Variants in RNF145 observed in about 807,000 individuals in gnomAD.
RNF145 encodes ring finger protein 145.
A neutral mutation model predicts 57.3 loss-of-function variants in RNF145; 12 were observed. The ratio of observed to expected loss-of-function variants is 0.21; its 90% CI spans 0.13 to 0.34. RNF145 has a LOEUF of 0.34. Ranked by LOEUF, RNF145 falls within the 10% of genes least tolerant of loss-of-function variation. The probability of loss-of-function intolerance (pLI) is 1.00; values close to 1 mark genes in which losing one functional copy is unlikely to be tolerated. For synonymous variants in RNF145, 262 were observed against 288.3 expected (o/e 0.91, Z 0.92); for missense variants, 429 against 799.0 (o/e 0.54, Z 5.58).
rs1036813407 is a variant in RNF145 at position 159,203,742 on chromosome 5, C to G, written c.-39-86G>C. The G allele has an allele frequency of 8.8e-6, 7 of 796,974 alleles. No homozygotes were observed. In the African/African-American group the frequency reaches 1.2e-4, roughly 14 times the overall value. 49.4% of individuals were successfully genotyped at this position (796,974 alleles called of 1,614,324 possible). On this transcript the variant is annotated intron_variant, in intron 1 of 10. Transcript: ENST00000424310. ...CCCTTTCACGAATCTAATAGGTTGT[C>G]ACACACTGTACAAAACTATGTGAGA... is the stretch of plus-strand genomic sequence containing the variant.
intron 2 of RNF145, among the ~76,000 whole-genome samples, chr5:159,201,036 G>C (rs556362327): frequency 2.6e-5 from 4 of 152,256 alleles, no homozygotes; most frequent in Admixed American, 6.5e-5. Flanking sequence ...AAAACCCTAT[G>C]GAAAGTACTA....
chr5:159,168,542 G>C (rs185178586), intron 8 of RNF145, among the ~76,000 whole-genome samples: 5 of 151,996 alleles, frequency 3.3e-5, no homozygotes, highest in Admixed American at 3.3e-4. Flanking sequence ...TATTATGCTA[G>C]ACTAAATTTT....
chr5:159,201,021 AT>A, intron 2 of RNF145, among the ~76,000 whole-genome samples: 2 of 152,250 alleles, frequency 1.3e-5, no homozygotes, highest in Non-Finnish European at 2.9e-5. Flanking sequence ...GAGGTACAAA[AT>A]AGTAAAACCC....
chr5:159,194,975 T>TGACA, intron 2 of RNF145, 151 bp from the exon 3 acceptor site: 3 of 557,504 alleles, frequency 5.4e-6, no homozygotes, highest in Non-Finnish European at 9.6e-6. Context: ...TTTAGCATAG[T>TGACA]GACACCCCTA....
chr5:159,197,655 A>G (rs560738386), intron 2 of RNF145, among the ~76,000 whole-genome samples: 2 of 152,350 alleles, frequency 1.3e-5, no homozygotes, highest in South Asian at 4.1e-4. Context: ...CAAAAATACT[A>G]TTGACACAAA....
intron 1 of RNF145, chr5:159,207,744 T>C (rs1270914539): frequency 1.2e-6 from 2 of 1,614,168 alleles, no homozygotes; most frequent in Non-Finnish European, 1.7e-6. Flanking sequence ...GCTAGCTAAC[T>C]TTGTATGTAC....
At chr5:159,196,855 C>A (rs1051156318) in intron 2 of RNF145, among the ~76,000 whole-genome samples, 2 of 152,158 alleles carry the variant, frequency 1.3e-5, no homozygotes, top group Admixed American at 6.5e-5. Context: ...TCTCTTTTAA[C>A]GAAACTGTCA....
chr5:159,168,749 C>G, intron 8 of RNF145, 124 bp downstream of exon 8: 1 of 513,254 alleles, frequency 1.9e-6, no homozygotes, highest in Non-Finnish European at 3.2e-6. Context: ...TTGAATTAAC[C>G]TAAGCTAATA....
At chr5:159,194,433 T>C (rs1785386770) in intron 3 of RNF145, among the ~76,000 whole-genome samples, 1 of 152,204 alleles carries the variant, frequency 6.6e-6, no homozygotes. Context: ...CCCAAAGCGC[T>C]GGGATTACAG....
chr5:159,204,069 C>G (rs559348651), intron 1 of RNF145, among the ~76,000 whole-genome samples: 1 of 152,244 alleles, frequency 6.6e-6, no homozygotes, highest in South Asian at 2.1e-4. Flanking sequence ...AAAGCCTAAG[C>G]AATTCAATAA....
At chr5:159,198,038 G>A (rs138274581) in intron 2 of RNF145, among the ~76,000 whole-genome samples, 28 of 152,058 alleles carry the variant, frequency 1.8e-4, no homozygotes, top group South Asian at 6.2e-4. Context: ...TTAGGAGTTC[G>A]AGACCAGCCT....
chr5:159,163,532 C>T (rs1413446865), intron 8 of RNF145, among the ~76,000 whole-genome samples: 2 of 152,168 alleles, frequency 1.3e-5, no homozygotes, highest in Non-Finnish European at 2.9e-5. Flanking sequence ...ATAGGAATGA[C>T]TCTCCAATGA....
intron 7 of RNF145, 68 bp from the exon 8 acceptor site, chr5:159,169,123 T>TG: frequency 5.5e-6 from 7 of 1,263,794 alleles, no homozygotes; most frequent in Non-Finnish European, 7.6e-6. Context: ...AAGAGAAAAA[T>TG]AATCCAAAGG....
At chr5:159,162,484 G>A (rs1043048569) in intron 9 of RNF145, among the ~76,000 whole-genome samples, 6 of 148,922 alleles carry the variant, frequency 4.0e-5, no homozygotes, top group African/African-American at 1.5e-4. Context: ...CCGGACTGCG[G>A]ACTGCAGTGG....
chr5:159,202,951 ATT>A (rs996270483), intron 2 of RNF145, among the ~76,000 whole-genome samples: 1 of 150,996 alleles, frequency 6.6e-6, no homozygotes. Context: ...TTCCAGGAGG[ATT>A]TTTTTTATGG....
intron 3 of RNF145, among the ~76,000 whole-genome samples, chr5:159,186,982 C>CAAAACA (rs1785085946): frequency 6.8e-6 from 1 of 146,840 alleles, no homozygotes; most frequent in African/African-American, 2.5e-5. Flanking sequence ...GACTCCGTCT[C>CAAAACA]AAAACAAAAA....
intron 8 of RNF145, among the ~76,000 whole-genome samples, chr5:159,168,007 A>G (rs1784440899): frequency 6.6e-6 from 1 of 152,220 alleles, no homozygotes; most frequent in Admixed American, 6.5e-5. Flanking sequence ...TCTATAATCA[A>G]TAATCAGAAT....
chr5:159,189,255 T>G (rs556999092), intron 3 of RNF145, among the ~76,000 whole-genome samples: 2 of 152,276 alleles, frequency 1.3e-5, no homozygotes, highest in Admixed American at 1.3e-4. Context: ...TCCTACAACT[T>G]AGCAAGAAAA....
chr5:159,176,977 T>C (rs1214245445), intron 4 of RNF145, 110 bp from the exon 5 acceptor site: 1 of 620,766 alleles, frequency 1.6e-6, no homozygotes, highest in Non-Finnish European at 2.9e-6. Flanking sequence ...TGAAGAAGTC[T>C]AACTAAAATC....
Sources: allele counts gnomAD v4.1 joint callset (sites outside exome capture counted in the v4.1 genomes callset), GRCh38; gene constraint gnomAD v4.1.1; transcripts MANE v1.5; gene names NCBI Gene and HGNC (gene_info 2026-07-23, HGNC 2026-07-21).